PLCE1: variants seen among roughly 807,000 people sequenced by gnomAD.
PLCE1 encodes 1-phosphatidylinositol 4,5-bisphosphate phosphodiesterase epsilon-1.
PLCE1 carries 119 observed loss-of-function variants against 242.8 expected under a neutral mutation model. The ratio of observed to expected loss-of-function variants is 0.49; its 90% CI spans 0.42 to 0.57. The LOEUF is 0.57. Among genes scored for constraint, PLCE1 ranks in the 20% least tolerant of loss-of-function variants. The probability of loss-of-function intolerance (pLI) is 0.00; values close to 1 mark genes in which losing one functional copy is unlikely to be tolerated. For synonymous variants in PLCE1, 945 were observed against 1,017.4 expected (o/e 0.93, Z 1.35); for missense variants, 2,441 against 2,788.8 (o/e 0.88, Z 2.81).
chr10:94,179,511 A>ATTTTTTTTTTTTTTTTTTTTTT (rs1564761610), intron 4 of PLCE1, among the ~76,000 whole-genome samples: 1 of 12,424 alleles, frequency 8.0e-5, no homozygotes, highest in Non-Finnish European at 1.5e-4. Flanking sequence ...ATTTTAGTTT[A>ATTTTTTTTTTTTTTTTTTTTTT]GTTTTTTTTT....
At chr10:94,071,363 A>C (rs536635041) in intron 2 of PLCE1, among the ~76,000 whole-genome samples, 1 of 152,002 alleles carries the variant, frequency 6.6e-6, no homozygotes, top group Admixed American at 6.5e-5. Flanking sequence ...TACTCCCCGC[A>C]CATTCCACCT....
intron 4 of PLCE1, among the ~76,000 whole-genome samples, chr10:94,189,482 G>C (rs1325960409): frequency 6.6e-6 from 1 of 152,062 alleles, no homozygotes; most frequent in Non-Finnish European, 1.5e-5. Context: ...TCAAATAAAT[G>C]AATAAAAAGA....
intron 2 of PLCE1, among the ~76,000 whole-genome samples, chr10:94,093,738 A>T (rs2135398565): frequency 6.6e-6 from 1 of 152,138 alleles, no homozygotes; most frequent in South Asian, 2.1e-4. Context: ...GCTTTACTGC[A>T]GGTGGCCCTA....
Position 94,175,510 on chromosome 10 carries a change from A to G in PLCE1, c.1809+4014A>G, listed in dbSNP as rs74565579. Among the ~76,000 whole-genome samples the G allele has an allele frequency of 2.8e-4, 42 of 152,328 alleles. No individual in the cohort carries two copies. The East Asian group carries it at 5.0e-3, about 18-fold the overall frequency. On this transcript the variant is annotated intron_variant, in intron 4 of 32. Transcript: ENST00000371380. ...TGGTACAGGCATACAATGTGTTATT[A>G]CATCAGAGTAAATAGGGTATCCATC... is the stretch of plus-strand genomic sequence containing the variant.
At chr10:94,047,826 C>T (rs1231552427) in intron 2 of PLCE1, among the ~76,000 whole-genome samples, 1 of 152,150 alleles carries the variant, frequency 6.6e-6, no homozygotes, top group African/African-American at 2.4e-5. Flanking sequence ...CAGGTACCAT[C>T]TTCCTTAATT....
intron 2 of PLCE1, among the ~76,000 whole-genome samples, chr10:94,128,937 G>T (rs1269850511): frequency 3.3e-5 from 5 of 152,166 alleles, no homozygotes; most frequent in African/African-American, 2.4e-5. Context: ...TTACCAGATT[G>T]TTTCATTATT....
intron 7 of PLCE1, among the ~76,000 whole-genome samples, chr10:94,243,901 G>C (rs1174651528): frequency 6.6e-6 from 1 of 152,124 alleles, no homozygotes; most frequent in East Asian, 1.9e-4. Context: ...ATGCATTCTT[G>C]TGTGTCTTGC....
chr10:94,038,281 G>A (rs1340251661), intron 2 of PLCE1, among the ~76,000 whole-genome samples: 4 of 152,058 alleles, frequency 2.6e-5, no homozygotes, highest in African/African-American at 9.7e-5. Flanking sequence ...TGACCCCCAC[G>A]ACTAGACTAA....
chr10:94,040,416 A>G (rs781446441), intron 2 of PLCE1, among the ~76,000 whole-genome samples: 6 of 151,814 alleles, frequency 4.0e-5, no homozygotes, highest in Non-Finnish European at 7.4e-5. Context: ...GTGGCTGGGA[A>G]TGAGATTGTC....
At chr10:94,075,246 G>A (rs2044468091) in intron 2 of PLCE1, among the ~76,000 whole-genome samples, 1 of 152,178 alleles carries the variant, frequency 6.6e-6, no homozygotes, top group African/African-American at 2.4e-5. Flanking sequence ...CAGCTAGACT[G>A]GGAGCTCCTT....
At chr10:94,107,880 G>A (rs1441825098) in intron 2 of PLCE1, 1 of 151,474 alleles carries the variant, frequency 6.6e-6, no homozygotes, top group South Asian at 2.1e-4. Context: ...CCTTTGTGAG[G>A]GACAAAAAAA....
At chr10:94,277,946 T>C (rs1475480231) in intron 19 of PLCE1, among the ~76,000 whole-genome samples, 1 of 152,174 alleles carries the variant, frequency 6.6e-6, no homozygotes, top group Non-Finnish European at 1.5e-5. Context: ...TCAGTGTATC[T>C]TGTGGTTCCT....
chr10:94,180,008 A>G (rs2048260014), intron 4 of PLCE1, among the ~76,000 whole-genome samples: 1 of 151,778 alleles, frequency 6.6e-6, no homozygotes, highest in African/African-American at 2.4e-5. Flanking sequence ...GTTTTTTATT[A>G]TTATGATCAC....
At chr10:94,247,026 C>T (rs1301202542) in intron 8 of PLCE1, among the ~76,000 whole-genome samples, 1 of 150,064 alleles carries the variant, frequency 6.7e-6, no homozygotes, top group African/African-American at 2.5e-5. Flanking sequence ...GCAGGAGAAT[C>T]GCTGGAACCC....
intron 3 of PLCE1, among the ~76,000 whole-genome samples, chr10:94,165,212 T>C (rs1432859929): frequency 6.6e-6 from 1 of 152,164 alleles, no homozygotes; most frequent in African/African-American, 2.4e-5. Flanking sequence ...GCCTTTTGTT[T>C]GCCCTGCCCC....
At chr10:94,265,770 T>C in intron 15 of PLCE1, 23 bp from the exon 16 acceptor site, 2 of 1,614,040 alleles carry the variant, frequency 1.2e-6, no homozygotes, top group Non-Finnish European at 1.7e-6. Context: ...CCATGCAGTC[T>C]TAAGAAAATT....
At chr10:94,121,149 A>C (rs2046287096) in intron 2 of PLCE1, 1 of 152,272 alleles carries the variant, frequency 6.6e-6, no homozygotes, top group South Asian at 2.1e-4. Flanking sequence ...CATAGTGGGC[A>C]CTAGCCCAGA....
chr10:94,048,678 A>AAT (rs1374749267), intron 2 of PLCE1, among the ~76,000 whole-genome samples: 193 of 146,786 alleles, frequency 1.3e-3, no homozygotes, highest in African/African-American at 3.6e-3. Flanking sequence ...ATATATATTT[A>AAT]ATATATTTAT....
At chr10:94,166,185 C>G (rs190293080) in intron 3 of PLCE1, among the ~76,000 whole-genome samples, 23 of 152,224 alleles carry the variant, frequency 1.5e-4, no homozygotes, top group Admixed American at 1.5e-3. Flanking sequence ...TTGTTCTCAA[C>G]TTGCTTTTTT....
Sources: allele counts gnomAD v4.1 joint callset (sites outside exome capture counted in the v4.1 genomes callset), GRCh38; gene constraint gnomAD v4.1.1; transcripts MANE v1.5; gene names NCBI Gene and HGNC (gene_info 2026-07-23, HGNC 2026-07-21).